Variants in OTOGL observed in about 807,000 individuals in gnomAD.
OTOGL encodes otogelin like.
OTOGL carries 285 observed loss-of-function variants against 318.5 expected under a neutral mutation model. The observed-to-expected ratio is 0.89, with a 90% CI of 0.81 to 0.99. The LOEUF is 0.99. OTOGL is among the 50% of genes least tolerant of loss of function. OTOGL has a pLI of 0.00. For missense variants in OTOGL, 2,899 were observed against 2,845.6 expected (o/e 1.02, Z -0.43); for synonymous variants, 987 against 936.5 (o/e 1.05, Z -0.99).
chr12:80,125,795 G>A lies in OTOGL; in HGVS notation c.-20+26190G>A, dbSNP rs1314632206. 4.6e-5 allele frequency among the ~76,000 whole-genome samples: 7 copies of A among 152,106 alleles called. No homozygotes were observed. The East Asian group carries it at 9.7e-4, about 21-fold the overall frequency. ...GGTGTATGTGTTGAGGAATTTATCC[G>A]TTTCTTCTAGATTTTCTAGTTTATT... On this transcript the variant is annotated intron_variant, in intron 1 of 58. Transcript: ENST00000547103.
rs2138131053 is a variant in OTOGL, at chr12:80,377,933, G to A, written c.6947G>A (p.Cys2316Tyr). The change falls in exon 59 of 59, where the codon TGT becomes TAT. Residue 2316 changes from cysteine to tyrosine, a missense_variant. Cys to Tyr is a radical substitution (Grantham distance 194). Transcript: ENST00000547103. The stretch of plus-strand genomic sequence containing the variant: ...GAAAGTCACCTAAGATTCTGCAAGT[G>A]TTGTCGTGAAAATGGAGTACGAAAC... ...NIESHLRFCK[C>Y]CRENGVRNLS... 4 of 1,610,644 alleles carry A rather than the reference G, an allele frequency of 2.5e-6. No individual in the cohort carries two copies. Among genetic ancestry groups the A allele is most frequent in the Admixed American group, 1.7e-5 (1 of 59,612 alleles).
At chr12:80,254,704 G>C (rs1420557156) in intron 15 of OTOGL, 134 bp downstream of exon 15, 1 of 686,144 alleles carries the variant, frequency 1.5e-6, no homozygotes, top group Admixed American at 3.3e-5. Context: ...ATTACTCAGA[G>C]GATACATGGA....
At chr12:80,271,866 C>A in intron 24 of OTOGL, 56 bp downstream of exon 24, 1 of 1,520,860 alleles carries the variant, frequency 6.6e-7, no homozygotes, top group Non-Finnish European at 9.0e-7. Flanking sequence ...AGCACAATAT[C>A]TCCTGAAAAC....
intron 26 of OTOGL, among the ~76,000 whole-genome samples, chr12:80,285,997 T>A (rs763601886): frequency 3.9e-5 from 6 of 152,240 alleles, no homozygotes; most frequent in African/African-American, 1.4e-4. Flanking sequence ...AGTATGATAT[T>A]GGCTATGGGT....
chr12:80,266,182 A>G, intron 20 of OTOGL: 1 of 409,166 alleles, frequency 2.4e-6, no homozygotes, highest in Non-Finnish European at 4.5e-6. Context: ...AATTCAACAT[A>G]TATAGTTCTG....
chr12:80,114,020 A>G (rs990722213), intron 1 of OTOGL, among the ~76,000 whole-genome samples: 2 of 151,604 alleles, frequency 1.3e-5, no homozygotes, highest in Non-Finnish European at 2.9e-5. Context: ...TGCACGTGAG[A>G]TGGGTCTCCT....
intron 26 of OTOGL, among the ~76,000 whole-genome samples, chr12:80,295,362 A>G (rs1020735027): frequency 1.3e-5 from 2 of 151,912 alleles, no homozygotes; most frequent in Non-Finnish European, 2.9e-5. Context: ...TTTTTAGTAG[A>G]GACTGGGTTT....
Position 80,353,482 on chromosome 12 carries a change from A to G in OTOGL, c.5565A>G (p.Ser1855=). The change falls in exon 46 of 59, where the codon TCA becomes TCG. Residue 1855 remains serine (S), a synonymous_variant. Transcript: ENST00000547103. ...GAACTATTCTTCACAGGCCACATTC[A>G]GCCCAGTGCATTCCAGAGAAAGAGT... The part of the protein sequence containing the change: ...KVGTILHRPH[S]AQCIPEKECA... The G allele has an allele frequency of 6.3e-7, 1 of 1,592,132 alleles. No homozygotes were observed. Among genetic ancestry groups the G allele is most frequent in the Non-Finnish European group, 8.6e-7 (1 of 1,168,972 alleles).
At chr12:80,124,190 A>T (rs977316176) in intron 1 of OTOGL, among the ~76,000 whole-genome samples, 2 of 152,150 alleles carry the variant, frequency 1.3e-5, no homozygotes, top group Non-Finnish European at 2.9e-5. Flanking sequence ...TTAAGTCTTT[A>T]ATCCATCTTG....
At chr12:80,255,652 A>G (rs903456035) in intron 16 of OTOGL, among the ~76,000 whole-genome samples, 1 of 151,928 alleles carries the variant, frequency 6.6e-6, no homozygotes, top group Admixed American at 6.6e-5. Context: ...GATATGATGA[A>G]TTTCTTAACA....
At chr12:80,318,427 T>A in intron 32 of OTOGL, 119 bp from the exon 33 acceptor site, 1 of 650,758 alleles carries the variant, frequency 1.5e-6, no homozygotes. Context: ...TTATTAGTGA[T>A]AAATTTTTAA....
chr12:80,320,687 C>T lies in OTOGL; in HGVS notation c.4068C>T (p.Ser1356=), dbSNP rs375612439. The T allele has an allele frequency of 6.9e-6, 11 of 1,601,918 alleles. No individual in the cohort carries two copies. In the African/African-American group the frequency reaches 1.5e-4, roughly 21 times the overall value. The change falls in exon 34 of 59, where the codon AGC becomes AGT. Residue 1356 remains serine, a synonymous_variant. Coordinates refer to ENST00000547103, the MANE Select transcript of OTOGL (RefSeq NM_001378609.3). ...CTGAAGAATTTAAACATTCAAGTAG[C>T]TTCAGCATAGAAGGTATGTTTCCTG... ...DDSEEFKHSS[S]FSIEEIQAAV... is the part of the protein sequence containing the mutation.
chr12:80,366,530 T>A lies in OTOGL; in HGVS notation c.6268-44T>A, dbSNP rs867576993. 1.1e-4 allele frequency: 38 copies of A among 355,318 alleles called. No individual in the cohort carries two copies. The highest frequency in any genetic ancestry group is 6.6e-4 in the Middle Eastern group (1 of 1,518). The allele number at this position is 355,318 out of a possible 1,614,324, so 22.0% of individuals were successfully genotyped here. On this transcript the variant is annotated intron_variant, in intron 52 of 58. Transcript: ENST00000547103. ...TATAGGTTATATATATATATATATA[T>A]AAAATAAGCTAAATGATAAGTAATA...
At chr12:80,217,768 A>T (rs1418993004) in intron 5 of OTOGL, 104 bp downstream of exon 5, 8 of 821,556 alleles carry the variant, frequency 9.7e-6, no homozygotes, top group East Asian at 8.3e-5. Context: ...CATGAAGGAA[A>T]GTGAGCCAGG....
At chr12:80,249,501 T>C (rs1206134982) in intron 11 of OTOGL, among the ~76,000 whole-genome samples, 4 of 151,734 alleles carry the variant, frequency 2.6e-5, no homozygotes, top group Non-Finnish European at 5.9e-5. Flanking sequence ...AGGGACCCAC[T>C]TGAGGAGGCA....
Position 80,266,456 on chromosome 12 carries a change from G to A in OTOGL, c.2230G>A (p.Val744Met), listed in dbSNP as rs765657907. 1.9e-6 allele frequency: 3 copies of A among 1,613,402 alleles called. No homozygotes were observed. Among genetic ancestry groups the A allele is most frequent in the Middle Eastern group, 1.7e-4 (1 of 6,054 alleles). Reference protein sequence around the residue: ...FRTQISFCAVVCQKGMLYHHC... With the variant: ...FRTQISFCAVMCQKGMLYHHC... ...TGATACTTCTTTGTCCTTAGCTGTG[G>A]TGTGCCAGAAGGGCATGCTGTACCA... is the stretch of plus-strand genomic sequence containing the variant. Residue 744 changes from valine (V) to methionine (M), a missense_variant, in exon 21 of 59, where the codon GTG becomes ATG. Around this residue, in one of 3 missense-constraint regions of OTOGL, gnomAD observed 2,607 missense variants for 2,524.9 expected, o/e 1.03. Transcript: ENST00000547103.
At chr12:80,199,810 A>T (rs552089637) in intron 1 of OTOGL, among the ~76,000 whole-genome samples, 1 of 152,212 alleles carries the variant, frequency 6.6e-6, no homozygotes, top group African/African-American at 2.4e-5. Context: ...CAGATGCTGG[A>T]TGCTGAATTG....
At chr12:80,130,987 C>G (rs577416350) in intron 1 of OTOGL, 7 of 152,244 alleles carry the variant, frequency 4.6e-5, no homozygotes, top group Admixed American at 2.0e-4. Flanking sequence ...TTCATTCCCC[C>G]CAAAGGGTTT....
intron 50 of OTOGL, 90 bp downstream of exon 50, chr12:80,358,439 T>C (rs1386370221): frequency 4.0e-6 from 4 of 1,004,368 alleles, no homozygotes; most frequent in African/African-American, 1.6e-5. Context: ...CATCAGACCC[T>C]TTTTCAAAGT....
Sources: gnomAD v4.1 joint callset for allele counts (sites outside exome capture counted in the v4.1 genomes callset) on GRCh38, gnomAD v4.1.1 for gene constraint, gnomAD v4.1.1 regional missense constraint, MANE v1.5 for transcripts, NCBI Gene and HGNC (gene_info 2026-07-23, HGNC 2026-07-21) for gene names.